PHC2: variants seen among roughly 807,000 people sequenced by gnomAD.
The protein encoded by PHC2 is polyhomeotic-like protein 2.
Under a neutral mutation model 87.4 loss-of-function variants are expected in PHC2, and 29 were observed. That is an observed-to-expected ratio of 0.33 (90% CI 0.25 to 0.45). PHC2 has a LOEUF of 0.45. PHC2 is among the 20% of genes least tolerant of loss of function. The probability of loss-of-function intolerance (pLI) is 1.00; values close to 1 mark genes in which losing one functional copy is unlikely to be tolerated. For synonymous variants in PHC2, 438 were observed against 461.7 expected (o/e 0.95, Z 0.66); for missense variants, 857 against 1,136.7 (o/e 0.75, Z 3.54).
In PHC2 at chr1:33,330,150, T is replaced by G. The variant is rs545840185; in HGVS notation, c.2069A>C (p.Lys690Thr). 40 of 1,614,214 alleles carry G rather than the reference T, an allele frequency of 2.5e-5. 1 individual carries two copies. In the South Asian group the frequency reaches 4.1e-4, roughly 16 times the overall value. ...LFHSDRSKLQKAGAATHNRRR... is the reference protein window; with the variant it reads ...LFHSDRSKLQTAGAATHNRRR... ...GCGGTTGTGGGTCGCAGCTCCTGCCTTCTGCAGCTTGCTCCGGTCTGAGTG... is the reference window on the plus strand; with the variant it reads ...GCGGTTGTGGGTCGCAGCTCCTGCCGTCTGCAGCTTGCTCCGGTCTGAGTG... The change falls in exon 13 of 15, where the codon AAG becomes ACG. Residue 690 changes from lysine (K) to threonine (T), a missense_variant. By Grantham distance (78) the Lys-to-Thr change is moderately conservative. Transcript: ENST00000683057.
At position 33,418,305 on chromosome 1, in the gene PHC2, A is replaced by G. The variant is rs111759851; in HGVS notation, c.-55+12671T>C. Among the ~76,000 whole-genome samples the G allele has an allele frequency of 6.1e-3, 924 of 152,276 alleles. 16 individuals carry two copies. The highest frequency in any genetic ancestry group is 0.021 in the African/African-American group (887 of 41,578). ...AAGCTGGCTCTTTGAAAAGATCAAT[A>G]CAATTGATAAACCTCTAGCCAGATT... On this transcript the variant is annotated intron_variant, in intron 1 of 14. Coordinates refer to ENST00000683057, the MANE Select transcript of PHC2 (RefSeq NM_001385109.1).
intron 1 of PHC2, among the ~76,000 whole-genome samples, chr1:33,412,603 A>C (rs1412211556): frequency 6.6e-6 from 1 of 152,228 alleles, no homozygotes; most frequent in Non-Finnish European, 1.5e-5. Flanking sequence ...ACAGGCCAGC[A>C]CATTTCACAC....
At chr1:33,366,459 G>A (rs1025329593) in intron 7 of PHC2, among the ~76,000 whole-genome samples, 6 of 152,320 alleles carry the variant, frequency 3.9e-5, no homozygotes, top group African/African-American at 1.2e-4. Flanking sequence ...CAAGCTCCTA[G>A]ATTTATTCTC....
At position 33,368,023 on chromosome 1, in the gene PHC2, C is replaced by T. The variant is rs150495437; in HGVS notation, c.663+513G>A. 2.4e-4 allele frequency among the ~76,000 whole-genome samples: 37 copies of T among 152,288 alleles called. No individual in the cohort carries two copies. The East Asian group carries it at 5.8e-3, about 24-fold the overall frequency. The stretch of plus-strand genomic sequence containing the variant: ...CCCTGTCCCATCACCCTCCCCATTC[C>T]GTAGATGAGGATGGGGAGATGCGAG... On this transcript the variant is annotated intron_variant, in intron 6 of 14. Coordinates refer to ENST00000683057, the MANE Select transcript of PHC2 (RefSeq NM_001385109.1). This position sits in a 1 kb window ranked among gnomAD's most constrained non-coding sequence, Gnocchi z 6.6.
intron 9 of PHC2, among the ~76,000 whole-genome samples, chr1:33,343,667 G>A (rs535543789): frequency 1.4e-4 from 21 of 152,236 alleles, no homozygotes; most frequent in Admixed American, 5.9e-4. Flanking sequence ...GAGTGCCAAC[G>A]TCACTGAGAC....
intron 9 of PHC2, among the ~76,000 whole-genome samples, chr1:33,350,705 T>C (rs1337900382): frequency 6.6e-6 from 1 of 152,126 alleles, no homozygotes; most frequent in African/African-American, 2.4e-5. Flanking sequence ...TTGCCTGCCT[T>C]TCTTCTCCCC....
intron 1 of PHC2, among the ~76,000 whole-genome samples, chr1:33,415,223 C>T (rs1376399540): frequency 1.3e-5 from 2 of 152,196 alleles, no homozygotes; most frequent in South Asian, 2.1e-4. Context: ...GACAGGCCTC[C>T]CTAGAGTCTT....
chr1:33,405,330 G>A (rs1393010059), intron 1 of PHC2, among the ~76,000 whole-genome samples: 1 of 151,900 alleles, frequency 6.6e-6, no homozygotes, highest in Non-Finnish European at 1.5e-5. Flanking sequence ...AGCTGGGACT[G>A]CAGGTATGTA....
At chr1:33,343,352 C>T (rs912060741) in intron 9 of PHC2, among the ~76,000 whole-genome samples, 1 of 151,798 alleles carries the variant, frequency 6.6e-6, no homozygotes, top group Admixed American at 6.6e-5. Flanking sequence ...CGCCTGTAGT[C>T]CCCGCTACTC....
chr1:33,347,494 G>A (rs1646866060), intron 9 of PHC2: 1 of 985,400 alleles, frequency 1.0e-6, no homozygotes, highest in Non-Finnish European at 1.2e-6. Flanking sequence ...GAAAGGGCCA[G>A]GAGGTGGGGA....
chr1:33,424,676 C>T (rs58280445), intron 1 of PHC2, among the ~76,000 whole-genome samples: 31,901 of 152,090 alleles, frequency 0.21, 5,676 homozygotes, highest in African/African-American at 0.49. Context: ...TTTTTAAATA[C>T]ATTTAATATG....
Position 33,332,158 on chromosome 1 carries a change from A to G in PHC2, c.1891+117T>C, listed in dbSNP as rs1026756916. The G allele has an allele frequency of 2.6e-6, 3 of 1,151,162 alleles. No homozygotes were observed. Among genetic ancestry groups the G allele is most frequent in the Non-Finnish European group, 3.8e-6 (3 of 793,570 alleles). The allele number at this position is 1,151,162 out of a possible 1,614,324, so 71.3% of individuals were successfully genotyped here. ...GGAGGCTGAGGAGGTGCTGGGGGAA[A>G]TGTTTACAGACTCGCTGGCTCAGGG... On this transcript the variant is annotated intron_variant, in intron 11 of 14. Coordinates refer to ENST00000683057, the MANE Select transcript of PHC2 (RefSeq NM_001385109.1). The surrounding 1 kb of genome is among the most constrained non-coding windows in gnomAD (Gnocchi z 4.2).
Position 33,325,027 on chromosome 1 carries a change from G to C in PHC2, c.2426-8C>G. ...CTGCTATCTCCTGGCAGCCTGAGGG[G>C]GTACCACCAAAGACAGTGTCAATCC... On this transcript the variant is annotated splice_polypyrimidine_tract_variant and splice_region_variant and intron_variant, in intron 14 of 14. Coordinates refer to ENST00000683057, the MANE Select transcript of PHC2 (RefSeq NM_001385109.1). 6.2e-7 allele frequency: 1 copy of C among 1,606,336 alleles called. No homozygotes were observed. The highest frequency in any genetic ancestry group is 8.5e-7 in the Non-Finnish European group (1 of 1,174,992).
intron 1 of PHC2, among the ~76,000 whole-genome samples, chr1:33,418,772 C>T (rs1650308240): frequency 6.6e-6 from 1 of 152,160 alleles, no homozygotes; most frequent in African/African-American, 2.4e-5. Context: ...ACCAAAACTA[C>T]ACAAGGATAT....
chr1:33,347,414 G>A lies in PHC2; in HGVS notation c.1558+6987C>T, dbSNP rs377212856. 13 of 985,302 alleles carry A rather than the reference G, an allele frequency of 1.3e-5. No individual in the cohort carries two copies. The Admixed American group carries it at 1.8e-4, about 14-fold the overall frequency. 61.0% of individuals were successfully genotyped at this position (985,302 alleles called of 1,614,324 possible). ...GGTCCTTCTTTACTTAGAGGGAAGA[G>A]TAAATAATATATATGGAGTGAGCTT... On this transcript the variant is annotated intron_variant, in intron 9 of 14. Transcript: ENST00000683057.
chr1:33,365,894 C>T (rs373232406), intron 7 of PHC2, among the ~76,000 whole-genome samples: 9 of 152,230 alleles, frequency 5.9e-5, no homozygotes, highest in East Asian at 1.9e-4. Flanking sequence ...GTCACATGCT[C>T]GTGCCGCAAG....
At chr1:33,365,846 T>C (rs2148315384) in intron 7 of PHC2, among the ~76,000 whole-genome samples, 1 of 149,288 alleles carries the variant, frequency 6.7e-6, no homozygotes, top group East Asian at 2.0e-4. Context: ...CTGCTTTGCT[T>C]TTCTCTGCCT....
chr1:33,334,349 C>G lies in PHC2; in HGVS notation c.1559-57G>C. On this transcript the variant is annotated intron_variant, in intron 9 of 14. Coordinates refer to ENST00000683057, the MANE Select transcript of PHC2 (RefSeq NM_001385109.1). The surrounding 1 kb of genome is among the most constrained non-coding windows in gnomAD (Gnocchi z 5.5). ...GGGAGATCAGAACCAGAGTCCACGC[C>G]CAGGGAGGGACAGCAAGGACTCAAA... 1 of 1,515,486 alleles carries G rather than the reference C, an allele frequency of 6.6e-7. No homozygotes were observed. Among genetic ancestry groups the G allele is most frequent in the Non-Finnish European group, 9.1e-7 (1 of 1,099,642 alleles). The allele number at this position is 1,515,486 out of a possible 1,614,324, so 93.9% of individuals were successfully genotyped here.
chr1:33,334,118 A>C lies in PHC2; in HGVS notation c.1733T>G (p.Val578Gly). ...GAAAGGCTCCGCCCCCTCCTGGATC[A>C]CAAACCCTTCGATAACATGCGTCAG... The part of the protein sequence containing the change: ...QILTHVIEGF[V>G]IQEGAEPFPV... The change falls in exon 10 of 15, where the codon GTG (valine) becomes GGG (glycine). Residue 578 changes from valine to glycine, a missense_variant. This residue lies in a region of PHC2 where 832 missense variants were observed against 1,081.8 expected (regional missense o/e 0.77). Coordinates refer to ENST00000683057, the MANE Select transcript of PHC2 (RefSeq NM_001385109.1). This position sits in a 1 kb window ranked among gnomAD's most constrained non-coding sequence, Gnocchi z 5.5. 1 of 1,612,962 alleles carries C rather than the reference A, an allele frequency of 6.2e-7. No individual in the cohort carries two copies. Among genetic ancestry groups the C allele is most frequent in the Non-Finnish European group, 8.5e-7 (1 of 1,179,560 alleles).
Sources: gnomAD v4.1 joint callset for allele counts (sites outside exome capture counted in the v4.1 genomes callset) on GRCh38, gnomAD v4.1.1 for gene constraint, gnomAD v4.1.1 regional missense constraint, Gnocchi (gnomAD v3.1) non-coding constraint, MANE v1.5 for transcripts, NCBI Gene and HGNC (gene_info 2026-07-23, HGNC 2026-07-21) for gene names.